The following ARID4B variants were observed in gnomAD, a reference collection of about 807,000 sequenced individuals.
The protein encoded by ARID4B is AT-rich interaction domain 4B, also known as AT-rich interactive domain-containing protein 4B.
In ARID4B, 26 loss-of-function variants were observed where a neutral mutation model predicts 147.5. That is an observed-to-expected ratio of 0.18 (90% CI 0.13 to 0.24). The LOEUF is 0.24. Among genes scored for constraint, ARID4B ranks in the 10% least tolerant of loss-of-function variants. The pLI, the probability that ARID4B is intolerant of heterozygous loss-of-function variation, is 1.00. For synonymous variants in ARID4B, 512 were observed against 507.9 expected (o/e 1.01, Z -0.11); for missense variants, 1,179 against 1,511.5 (o/e 0.78, Z 3.65).
chr1:235,247,913 G>A (rs1384693791), intron 6 of ARID4B, among the ~76,000 whole-genome samples: 2 of 152,004 alleles, frequency 1.3e-5, no homozygotes, highest in African/African-American at 4.8e-5. Context: ...GCTTGAACCC[G>A]GCAGGCAGAG....
intron 2 of ARID4B, among the ~76,000 whole-genome samples, chr1:235,309,716 T>C (rs1407368261): frequency 6.6e-6 from 1 of 150,846 alleles, no homozygotes; most frequent in Non-Finnish European, 1.5e-5. Flanking sequence ...ACAATGGCGG[T>C]TTTGTGGAAT....
chr1:235,326,968 C>T lies in ARID4B; in HGVS notation c.-49G>A. 2 of 1,607,222 alleles carry T rather than the reference C, an allele frequency of 1.2e-6. No individual in the cohort carries two copies. Among genetic ancestry groups the T allele is most frequent in the Non-Finnish European group, 1.7e-6 (2 of 1,173,976 alleles). ...CTCTAAAACACCAGGTTCAGCTGCA[C>T]CTGGAGGGGAAACAAAAGACACCCA... On this transcript the variant is annotated splice_region_variant and 5_prime_UTR_variant, in exon 2 of 24. In the 5' UTR this introduces an upstream ATG that the reference lacks. Coordinates refer to ENST00000264183, the MANE Select transcript of ARID4B (RefSeq NM_016374.6).
At chr1:235,309,435 C>A (rs1175048211) in intron 2 of ARID4B, among the ~76,000 whole-genome samples, 2 of 140,598 alleles carry the variant, frequency 1.4e-5, no homozygotes, top group Non-Finnish European at 3.0e-5. Flanking sequence ...GGGGGTCAGC[C>A]CCCCGCCCGG....
chr1:235,204,688 T>C (rs1028164442), intron 17 of ARID4B, among the ~76,000 whole-genome samples: 2 of 152,216 alleles, frequency 1.3e-5, no homozygotes, highest in Admixed American at 1.3e-4. Context: ...ATTAATTGCA[T>C]ATTGTAATGC....
At chr1:235,171,815 A>G (rs546156341) in intron 23 of ARID4B, among the ~76,000 whole-genome samples, 156 of 151,798 alleles carry the variant, frequency 1.0e-3, no homozygotes, top group African/African-American at 3.4e-3. Flanking sequence ...AATTTTTTGT[A>G]TTTTTTAGTA....
chr1:235,222,747 A>G (rs1008683598), intron 13 of ARID4B, among the ~76,000 whole-genome samples: 1 of 150,992 alleles, frequency 6.6e-6, no homozygotes, highest in African/African-American at 2.4e-5. Flanking sequence ...CAGCGGTGCA[A>G]TCTTGGTTCA....
Position 235,255,263 on chromosome 1 carries a change from A to ATCTATCTATCTATCTATCTATC in ARID4B, c.274+396_274+397insGATAGATAGATAGATAGATAGA, listed in dbSNP as rs746915541. Among the ~76,000 whole-genome samples, 46 of 90,832 alleles carry ATCTATCTATCTATCTATCTATC rather than the reference A, an allele frequency of 5.1e-4. 1 individual carries two copies. In the South Asian group the frequency reaches 6.1e-3, roughly 12 times the overall value. The allele number at this position is 90,832 out of a possible 152,430, so 59.6% of individuals were successfully genotyped here. On this transcript the variant is annotated intron_variant, in intron 5 of 23. Transcript: ENST00000264183. Reference sequence around the variant, plus strand: ...GATAGATAGATAGATAGATAGATAGATATATATCTCTCTCTCTCTCTCTCT... The same window carrying ATCTATCTATCTATCTATCTATC: ...GATAGATAGATAGATAGATAGATAGATCTATCTATCTATCTATCTATCTATATATCTCTCTCTCTCTCTCTCT...
intron 23 of ARID4B, among the ~76,000 whole-genome samples, chr1:235,170,984 A>C (rs1663314855): frequency 6.6e-6 from 1 of 151,654 alleles, no homozygotes; most frequent in South Asian, 2.1e-4. Context: ...TTTTTTTTAA[A>C]CAATATATTT....
intron 2 of ARID4B, among the ~76,000 whole-genome samples, chr1:235,303,125 G>A (rs1216684572): frequency 2.0e-5 from 3 of 151,614 alleles, no homozygotes; most frequent in South Asian, 2.1e-4. Context: ...GGGTTTCACC[G>A]TGTTAGCCAC....
rs71576467 is a variant in ARID4B, at chr1:235,216,310, T to TACAC, written c.1584-2288_1584-2285dup. Among the ~76,000 whole-genome samples the TACAC allele has an allele frequency of 2.0e-3, 294 of 149,306 alleles. 2 individuals are homozygous for TACAC. Among genetic ancestry groups the TACAC allele is most frequent in the African/African-American group, 6.1e-3 (247 of 40,730 alleles). The stretch of plus-strand genomic sequence containing the variant: ...AATCTGAGATATACATATATATGTA[T>TACAC]ACACACACACACACACACACACATA... On this transcript the variant is annotated intron_variant, in intron 16 of 23. Coordinates refer to ENST00000264183, the MANE Select transcript of ARID4B (RefSeq NM_016374.6).
chr1:235,236,352 A>G (rs974421008), intron 8 of ARID4B, among the ~76,000 whole-genome samples: 1 of 152,144 alleles, frequency 6.6e-6, no homozygotes, highest in Non-Finnish European at 1.5e-5. Flanking sequence ...CTAACCTTTC[A>G]ATATTAAAAA....
At chr1:235,302,163 A>AAAC (rs1673201823) in intron 2 of ARID4B, among the ~76,000 whole-genome samples, 1 of 145,936 alleles carries the variant, frequency 6.9e-6, no homozygotes, top group Non-Finnish European at 1.5e-5. Context: ...GAAAAAAAAA[A>AAAC]AAAAAAAAAA....
chr1:235,239,229 C>A (rs1174054109), intron 8 of ARID4B, among the ~76,000 whole-genome samples: 1 of 152,090 alleles, frequency 6.6e-6, no homozygotes, highest in Admixed American at 6.5e-5. Context: ...ACCTCGGCCT[C>A]CCAAAGTGCT....
chr1:235,181,561 C>G, intron 20 of ARID4B, 24 bp downstream of exon 20: 1 of 1,600,590 alleles, frequency 6.2e-7, no homozygotes, highest in Non-Finnish European at 8.5e-7. Context: ...TAAAATAAGT[C>G]AACATACACA....
chr1:235,277,503 C>A (rs529845975), intron 2 of ARID4B, among the ~76,000 whole-genome samples: 101 of 148,872 alleles, frequency 6.8e-4, no homozygotes, highest in African/African-American at 2.4e-3. Flanking sequence ...CCCGCCACTG[C>A]ACTCCAGCCT....
chr1:235,314,226 ACTCT>A (rs1168135308), intron 2 of ARID4B, among the ~76,000 whole-genome samples: 3 of 151,774 alleles, frequency 2.0e-5, no homozygotes, highest in African/African-American at 4.8e-5. Context: ...AAGAATCCTC[ACTCT>A]ATCAGCTTAT....
rs780677392 is a variant in ARID4B at position 235,196,048 on chromosome 1, G to C, written c.1909C>G (p.His637Asp). ...PADKNVPKIK[H>D]RKKIKNKLDK... ...GCACTTACCTTTATTTTCTTCCGAT[G>C]TTTTATCTTTGGCACATTTTTATCA... The change falls in exon 18 of 24, where the codon CAT (histidine) becomes GAT (aspartate). Residue 637 changes from histidine to aspartate, a missense_variant. This residue lies in a region of ARID4B where 321 missense variants were observed against 342.4 expected (regional missense o/e 0.94). Coordinates refer to ENST00000264183, the MANE Select transcript of ARID4B (RefSeq NM_016374.6). 6.3e-7 allele frequency: 1 copy of C among 1,598,530 alleles called. No homozygotes were observed. The highest frequency in any genetic ancestry group is 2.2e-5 in the East Asian group (1 of 44,504).
At chr1:235,260,507 CTTTGT>C in intron 3 of ARID4B, 130 bp downstream of exon 3, 1 of 551,662 alleles carries the variant, frequency 1.8e-6, no homozygotes, top group South Asian at 3.1e-5. Flanking sequence ...ACAAAAAATG[CTTTGT>C]TTTGAGGTAT....
intron 20 of ARID4B, 57 bp downstream of exon 20, chr1:235,181,528 T>C (rs764049304): frequency 1.9e-6 from 3 of 1,551,030 alleles, no homozygotes; most frequent in Non-Finnish European, 2.6e-6. Flanking sequence ...GTGAAATCAT[T>C]GAAACTTTAA....
Sources: allele counts gnomAD v4.1 joint callset (sites outside exome capture counted in the v4.1 genomes callset), GRCh38; gene constraint gnomAD v4.1.1; regional missense constraint gnomAD v4.1.1; transcripts MANE v1.5; gene names NCBI Gene and HGNC (gene_info 2026-07-23, HGNC 2026-07-21).